The following ATP9B variants were observed in gnomAD, a reference collection of about 807,000 sequenced individuals.
ATP9B encodes the protein probable phospholipid-transporting ATPase IIB.
A neutral mutation model predicts 146.1 loss-of-function variants in ATP9B; 110 were observed. That is an observed-to-expected ratio of 0.75 (90% CI 0.65 to 0.88). ATP9B has a LOEUF of 0.88. Ranked by LOEUF, ATP9B falls within the 40% of genes least tolerant of loss-of-function variation. The pLI is 0.00. For missense variants in ATP9B, 1,499 were observed against 1,496.4 expected, an observed-to-expected ratio of 1.00 and a Z score of -0.03; for synonymous variants, 604 against 569.7, an observed-to-expected ratio of 1.06 and a Z score of -0.86.
chr18:79,304,260 T>C (rs2096608979), intron 14 of ATP9B, among the ~76,000 whole-genome samples: 2 of 152,162 alleles, frequency 1.3e-5, no homozygotes, highest in Admixed American at 6.5e-5. Flanking sequence ...TTCTTTCATC[T>C]GTAAATATGT....
intron 24 of ATP9B, 96 bp from the exon 25 acceptor site, chr18:79,348,036 G>A (rs895861549): frequency 3.1e-6 from 5 of 1,603,096 alleles, no homozygotes; most frequent in African/African-American, 2.7e-5. Flanking sequence ...GAAGTACCTG[G>A]GCTGTGCTTA....
intron 11 of ATP9B, among the ~76,000 whole-genome samples, chr18:79,223,121 G>A (rs1329475783): frequency 1.3e-5 from 2 of 152,176 alleles, no homozygotes; most frequent in African/African-American, 4.8e-5. Flanking sequence ...TAGGTGACAT[G>A]AGCCATTATG....
chr18:79,301,487 A>G (rs1255330256), intron 13 of ATP9B, among the ~76,000 whole-genome samples: 1 of 152,196 alleles, frequency 6.6e-6, no homozygotes, highest in African/African-American at 2.4e-5. Flanking sequence ...AAACAAACAA[A>G]TGTATGAAGC....
At chr18:79,160,506 C>T (rs544945526) in intron 7 of ATP9B, among the ~76,000 whole-genome samples, 1 of 151,956 alleles carries the variant, frequency 6.6e-6, no homozygotes, top group South Asian at 2.1e-4. Flanking sequence ...TATTAATTGC[C>T]CTTTTAACAG....
intron 11 of ATP9B, among the ~76,000 whole-genome samples, chr18:79,233,492 CAAAG>C (rs1249772401): frequency 6.6e-6 from 1 of 152,054 alleles, no homozygotes; most frequent in African/African-American, 2.4e-5. Context: ...ACACTGAAGG[CAAAG>C]AGAGAATCTT....
intron 11 of ATP9B, among the ~76,000 whole-genome samples, chr18:79,232,332 G>A (rs1403507636): frequency 6.6e-6 from 1 of 152,172 alleles, no homozygotes; most frequent in Non-Finnish European, 1.5e-5. Flanking sequence ...ACACCATCAG[G>A]GCTCAGTGTG....
chr18:79,197,106 C>T (rs961065337), intron 9 of ATP9B, among the ~76,000 whole-genome samples: 1 of 152,134 alleles, frequency 6.6e-6, no homozygotes, highest in African/African-American at 2.4e-5. Flanking sequence ...ATTTCTATAA[C>T]ATAGAACTCA....
intron 25 of ATP9B, among the ~76,000 whole-genome samples, chr18:79,355,634 G>C (rs1412835563): frequency 6.7e-6 from 1 of 149,494 alleles, no homozygotes; most frequent in Non-Finnish European, 1.5e-5. Context: ...CGTTTGTGCC[G>C]TGGGAGCCCC....
intron 1 of ATP9B, among the ~76,000 whole-genome samples, chr18:79,080,332 T>C (rs1053403015): frequency 2.0e-5 from 3 of 152,166 alleles, no homozygotes; most frequent in Admixed American, 6.5e-5. Context: ...CAGTGGTTTG[T>C]AGTTCTCCTT....
chr18:79,270,671 G>A lies in ATP9B; in HGVS notation c.1269-6383G>A, dbSNP rs552632595. On this transcript the variant is annotated intron_variant, in intron 12 of 29. Coordinates refer to ENST00000426216, the MANE Select transcript of ATP9B (RefSeq NM_198531.5). ...CCAGCAATGATGGCTCTCCTTTGAGGTTGGCGCCCATGTTTGCTTAACAAC... is the reference window on the plus strand; with the variant it reads ...CCAGCAATGATGGCTCTCCTTTGAGATTGGCGCCCATGTTTGCTTAACAAC... Among the ~76,000 whole-genome samples, 11 of 151,830 alleles carry A rather than the reference G, an allele frequency of 7.2e-5. No homozygotes were observed. In the South Asian group the frequency reaches 2.3e-3, roughly 32 times the overall value.
At position 79,329,136 on chromosome 18, in the gene ATP9B, C is replaced by G. The variant is rs201523091; in HGVS notation, c.1774-5C>G. The G allele has an allele frequency of 1.3e-6, 2 of 1,579,064 alleles. No homozygotes were observed. The highest frequency in any genetic ancestry group is 1.7e-6 in the Non-Finnish European group (2 of 1,162,636). ...GTGGCCTCAGTTGTTGCTGGTCTCCCGTAGGTCGCTCTGGTGCAGTGGACA... is the reference window on the plus strand; with the variant it reads ...GTGGCCTCAGTTGTTGCTGGTCTCCGGTAGGTCGCTCTGGTGCAGTGGACA... On this transcript the variant is annotated splice_polypyrimidine_tract_variant and splice_region_variant and intron_variant, in intron 15 of 29. Coordinates refer to ENST00000426216, the MANE Select transcript of ATP9B (RefSeq NM_198531.5).
intron 26 of ATP9B, chr18:79,361,845 T>C (rs1426949279): frequency 1.0e-6 from 1 of 980,086 alleles, no homozygotes; most frequent in East Asian, 1.1e-4. Context: ...TCAGTGTCAG[T>C]GGACACCAAG....
At chr18:79,073,036 G>T (rs992451340) in intron 1 of ATP9B, among the ~76,000 whole-genome samples, 1 of 151,476 alleles carries the variant, frequency 6.6e-6, no homozygotes, top group Non-Finnish European at 1.5e-5. Flanking sequence ...AGACTGGGCG[G>T]CGGGGCAGAG....
intron 7 of ATP9B, among the ~76,000 whole-genome samples, chr18:79,157,396 CAAAAAAAAAAAA>C (rs147316668): frequency 2.3e-4 from 11 of 48,596 alleles, no homozygotes; most frequent in African/African-American, 1.1e-3. Flanking sequence ...AACTCCATCT[CAAAAAAAAAAAA>C]AAAAAAAAAA....
At chr18:79,234,962 T>G (rs1050694250) in intron 11 of ATP9B, among the ~76,000 whole-genome samples, 34 of 152,172 alleles carry the variant, frequency 2.2e-4, no homozygotes, top group African/African-American at 8.0e-4. Context: ...AACCTCCGCC[T>G]CCTGGGTTCA....
intron 2 of ATP9B, among the ~76,000 whole-genome samples, chr18:79,097,585 C>T (rs1297717958): frequency 4.4e-5 from 5 of 112,854 alleles, no homozygotes; most frequent in Non-Finnish European, 6.5e-5. Context: ...TCCATGTGAT[C>T]TCATTGTTCA....
chr18:79,377,201 G>A, intron 29 of ATP9B, 46 bp from the exon 30 acceptor site: 1 of 1,605,374 alleles, frequency 6.2e-7, no homozygotes, highest in Non-Finnish European at 8.5e-7. Flanking sequence ...GAGGGCCCAG[G>A]ACTTCTTGGT....
At chr18:79,368,909 C>T (rs2097051776) in intron 26 of ATP9B, among the ~76,000 whole-genome samples, 1 of 152,056 alleles carries the variant, frequency 6.6e-6, no homozygotes, top group Non-Finnish European at 1.5e-5. Context: ...GCTTCCCTTC[C>T]TGCCAAGGCC....
chr18:79,165,025 T>C (rs2094944006), intron 7 of ATP9B, among the ~76,000 whole-genome samples: 1 of 152,190 alleles, frequency 6.6e-6, no homozygotes, highest in Non-Finnish European at 1.5e-5. Context: ...TAATCTACTT[T>C]AATGATTTCT....
Sources: allele counts gnomAD v4.1 joint callset (sites outside exome capture counted in the v4.1 genomes callset), GRCh38; gene constraint gnomAD v4.1.1; transcripts MANE v1.5; gene names NCBI Gene and HGNC (gene_info 2026-07-23, HGNC 2026-07-21).